The following CNTLN variants were observed in gnomAD, a reference collection of about 807,000 sequenced individuals.
CNTLN encodes centlein, centrosomal protein.
A neutral mutation model predicts 180.0 loss-of-function variants in CNTLN; 212 were observed. That is an observed-to-expected ratio of 1.18 (90% confidence interval 1.05 to 1.32). CNTLN has a LOEUF of 1.32. Ranked by LOEUF, CNTLN falls within the 40% of genes most tolerant of loss-of-function variation. CNTLN has a pLI of 0.00. For synonymous variants in CNTLN, 722 were observed against 563.1 expected (o/e 1.28, Z -3.99); for missense variants, 2,095 against 1,610.9 (o/e 1.30, Z -5.14).
intron 5 of CNTLN, among the ~76,000 whole-genome samples, chr9:17,265,497 A>G (rs1185516555): frequency 7.1e-6 from 1 of 141,642 alleles, no homozygotes; most frequent in East Asian, 2.3e-4. Flanking sequence ...TTGGTCTAAA[A>G]TTCTCTTTTT....
intron 13 of CNTLN, among the ~76,000 whole-genome samples, chr9:17,373,108 C>T (rs573413795): frequency 1.3e-5 from 2 of 152,212 alleles, no homozygotes; most frequent in East Asian, 3.9e-4. Flanking sequence ...TGTTATTCAA[C>T]ATAGTACTGG....
At chr9:17,445,680 G>A (rs1830367314) in intron 18 of CNTLN, among the ~76,000 whole-genome samples, 2 of 152,254 alleles carry the variant, frequency 1.3e-5, no homozygotes, top group South Asian at 4.1e-4. Context: ...CCTCTGCCTA[G>A]GAAAGCCAGG....
At chr9:17,299,750 C>G in intron 7 of CNTLN, 1 of 979,106 alleles carries the variant, frequency 1.0e-6, no homozygotes, top group South Asian at 4.7e-5. Context: ...TTTATTAATA[C>G]TTGTTAATTG....
rs1023290412 is a variant in CNTLN at position 17,359,610 on chromosome 9, G to A, written c.1887-7007G>A. Among the ~76,000 whole-genome samples the A allele has an allele frequency of 8.0e-5, 12 of 150,872 alleles. No individual in the cohort carries two copies. The South Asian group carries it at 8.4e-4, about 11-fold the overall frequency. The stretch of plus-strand genomic sequence containing the variant: ...ATAAGAGGACATCCAGGCCGAGTGC[G>A]GTGGCTCACGCCTGTAATCCCAGCA... On this transcript the variant is annotated intron_variant, in intron 12 of 25. Coordinates refer to ENST00000380647, the MANE Select transcript of CNTLN (RefSeq NM_017738.4).
In CNTLN at chr9:17,154,533, T is replaced by C. The variant is rs577181801; in HGVS notation, c.449+11157T>C. 2.0e-5 allele frequency among the ~76,000 whole-genome samples: 3 copies of C among 152,328 alleles called. No individual in the cohort carries two copies. In the South Asian group the frequency reaches 6.2e-4, roughly 32 times the overall value. ...GGAAGCTTCGACCCAGTGGGGCACC[T>C]GCCAGATGCCAGCCAGAACTCTCCT... On this transcript the variant is annotated intron_variant, in intron 2 of 25. Transcript: ENST00000380647.
At position 17,299,175 on chromosome 9, in the gene CNTLN, G is replaced by A. The variant is rs150738374; in HGVS notation, c.1146+823G>A. 6.2e-3 allele frequency: 1,064 copies of A among 171,686 alleles called. 13 individuals carry two copies. The highest frequency in any genetic ancestry group is 0.024 in the African/African-American group (996 of 41,092). The allele number at this position is 171,686 out of a possible 1,614,324, so 10.6% of individuals were successfully genotyped here. ...GGAGAATCACTTGAACCTGGGAGGC[G>A]GAGGTCGCAGTGAGCCAAGATCGCA... On this transcript the variant is annotated intron_variant, in intron 7 of 25. Coordinates refer to ENST00000380647, the MANE Select transcript of CNTLN (RefSeq NM_017738.4).
At chr9:17,454,550 A>G (rs1031634927) in intron 18 of CNTLN, among the ~76,000 whole-genome samples, 3 of 152,236 alleles carry the variant, frequency 2.0e-5, no homozygotes, top group Admixed American at 1.3e-4. Flanking sequence ...TATTATGTAT[A>G]TACGTGTTAA....
At chr9:17,173,886 A>G (rs1340441731) in intron 2 of CNTLN, among the ~76,000 whole-genome samples, 2 of 152,080 alleles carry the variant, frequency 1.3e-5, no homozygotes, top group Non-Finnish European at 2.9e-5. Context: ...TTGCAAAACT[A>G]TAGTACAGTA....
At chr9:17,520,854 T>C in the CNTLN span, among the ~76,000 whole-genome samples, 1 of 152,194 alleles carries the variant, frequency 6.6e-6, no homozygotes, top group East Asian at 1.9e-4. Context: ...CACCCTGCCT[T>C]GTTGCCTTGG....
the CNTLN span, among the ~76,000 whole-genome samples, chr9:17,517,385 C>T: frequency 6.7e-6 from 1 of 148,504 alleles, no homozygotes; most frequent in South Asian, 2.1e-4. Context: ...GAGCGAGACT[C>T]CATCTCAAAC....
chr9:17,497,007 A>T (rs1429140022), intron 25 of CNTLN, among the ~76,000 whole-genome samples: 1 of 152,184 alleles, frequency 6.6e-6, no homozygotes, highest in Non-Finnish European at 1.5e-5. Context: ...AAGGTGGGGT[A>T]AAGTAATGTG....
intron 3 of CNTLN, 137 bp downstream of exon 3, chr9:17,226,424 G>T: frequency 2.1e-6 from 1 of 468,134 alleles, no homozygotes; most frequent in Non-Finnish European, 3.8e-6. Flanking sequence ...CTATTTTGAA[G>T]TCACTAGTAA....
intron 13 of CNTLN, among the ~76,000 whole-genome samples, chr9:17,386,773 T>G (rs1192563865): frequency 6.6e-6 from 1 of 152,216 alleles, no homozygotes; most frequent in African/African-American, 2.4e-5. Context: ...TGGAAGTATT[T>G]AGCTATTGTT....
chr9:17,191,190 C>T (rs1821766489), intron 2 of CNTLN, among the ~76,000 whole-genome samples: 2 of 152,224 alleles, frequency 1.3e-5, no homozygotes, highest in South Asian at 4.1e-4. Flanking sequence ...GACAGCTTCT[C>T]ATACTTTGAA....
At chr9:17,355,306 T>A (rs1412513298) in intron 12 of CNTLN, among the ~76,000 whole-genome samples, 2 of 152,202 alleles carry the variant, frequency 1.3e-5, no homozygotes, top group East Asian at 3.9e-4. Flanking sequence ...ATTACAGGTG[T>A]GAGCCACCGT....
In CNTLN at chr9:17,257,963, C is replaced by T. The variant is rs1013006192; in HGVS notation, c.850-15770C>T. ...TCTGATGGTAGTTTCTTTTGCTGTG[C>T]AGAAGCTCTTTAGTTTAATTAGATC... On this transcript the variant is annotated intron_variant, in intron 5 of 25. Transcript: ENST00000380647. Among the ~76,000 whole-genome samples, 68 of 148,034 alleles carry T rather than the reference C, an allele frequency of 4.6e-4. 2 individuals carry two copies. In the Middle Eastern group the frequency reaches 0.01, roughly 23 times the overall value.
chr9:17,294,581 C>A (rs1817667476), intron 6 of CNTLN, among the ~76,000 whole-genome samples: 1 of 150,170 alleles, frequency 6.7e-6, no homozygotes, highest in Non-Finnish European at 1.5e-5. Context: ...TAAAGGTTCT[C>A]CAAGTCCCCA....
intron 15 of CNTLN, among the ~76,000 whole-genome samples, chr9:17,396,719 T>C (rs1406002925): frequency 6.6e-6 from 1 of 152,214 alleles, no homozygotes; most frequent in African/African-American, 2.4e-5. Context: ...AATTAAATTA[T>C]AACCTTTGGA....
At chr9:17,468,468 AT>A (rs1831873878) in intron 23 of CNTLN, among the ~76,000 whole-genome samples, 1 of 151,566 alleles carries the variant, frequency 6.6e-6, no homozygotes, top group Non-Finnish European at 1.5e-5. Context: ...ACCTTCATAA[AT>A]CTTGGTTTTT....
Sources: allele counts gnomAD v4.1 joint callset (sites outside exome capture counted in the v4.1 genomes callset), GRCh38; gene constraint gnomAD v4.1.1; transcripts MANE v1.5; gene names NCBI Gene and HGNC (gene_info 2026-07-23, HGNC 2026-07-21).